Variants in TACC2 observed in about 807,000 individuals in gnomAD.
The protein encoded by TACC2 is transforming acidic coiled-coil-containing protein 2.
Under a neutral mutation model 227.3 loss-of-function variants are expected in TACC2, and 137 were observed. The ratio of observed to expected loss-of-function variants is 0.60; its 90% CI spans 0.52 to 0.69. The LOEUF (loss-of-function observed/expected upper bound fraction) is 0.69. Among genes scored for constraint, TACC2 ranks in the 30% least tolerant of loss-of-function variants. TACC2 has a pLI of 0.00. For missense variants in TACC2, 3,470 were observed against 3,694.4 expected (o/e 0.94, Z 1.57); for synonymous variants, 1,523 against 1,487.5 (o/e 1.02, Z -0.55).
At chr10:122,116,187 G>A (rs2084667788) in intron 5 of TACC2, among the ~76,000 whole-genome samples, 1 of 152,198 alleles carries the variant, frequency 6.6e-6, no homozygotes, top group Non-Finnish European at 1.5e-5. Flanking sequence ...CAATGCATCT[G>A]AAAAACAGAG....
In TACC2 at chr10:122,084,202, G is replaced by T. The variant is rs761403864; in HGVS notation, c.1702G>T (p.Gly568Ter). Reference sequence around the variant, plus strand: ...CACAAGCCCAGCCGTGGCTAAAGAAGGAAGCAGATCACCTGGTGACAGCCC... The same window carrying T: ...CACAAGCCCAGCCGTGGCTAAAGAATGAAGCAGATCACCTGGTGACAGCCC... Reference protein sequence around the residue: ...DSTSPAVAKEGSRSPGDSPGG... With the variant: ...DSTSPAVAKE The change falls in exon 4 of 23, where the codon GGA (glycine) becomes TGA (stop). Residue 568 changes from glycine to a stop codon, truncating the protein, a stop_gained. Transcript: ENST00000369005. LOFTEE classifies it high-confidence loss of function. The T allele has an allele frequency of 3.7e-6, 6 of 1,614,112 alleles. No homozygotes were observed. Among genetic ancestry groups the T allele is most frequent in the East Asian group, 2.2e-5 (1 of 44,874 alleles).
intron 7 of TACC2, chr10:122,163,909 C>T (rs1292994575): frequency 2.6e-6 from 4 of 1,564,474 alleles, no homozygotes; most frequent in South Asian, 1.2e-5. Context: ...AGCTTGCACG[C>T]CAGGGCACAG....
At chr10:122,149,568 A>G (rs1205408159) in intron 7 of TACC2, among the ~76,000 whole-genome samples, 2 of 143,190 alleles carry the variant, frequency 1.4e-5, no homozygotes, top group African/African-American at 5.2e-5. Flanking sequence ...CCAAGACTCC[A>G]GAGTTTTTCC....
intron 1 of TACC2, among the ~76,000 whole-genome samples, chr10:122,017,335 T>C (rs1956785546): frequency 1.3e-5 from 2 of 152,126 alleles, no homozygotes; most frequent in Admixed American, 1.3e-4. Context: ...CGAAGTCCCC[T>C]GTGCCGCCGC....
chr10:122,026,658 A>G (rs943081232), intron 2 of TACC2, among the ~76,000 whole-genome samples: 23 of 150,692 alleles, frequency 1.5e-4, no homozygotes, highest in African/African-American at 4.5e-4. Flanking sequence ...AATCCCTGGC[A>G]ACCATGAATC....
At chr10:122,152,095 C>T (rs1046793276) in intron 7 of TACC2, among the ~76,000 whole-genome samples, 1 of 152,172 alleles carries the variant, frequency 6.6e-6, no homozygotes. Context: ...AACATGGAGA[C>T]CTTGGAGTGT....
chr10:122,226,600 A>G, intron 13 of TACC2, 119 bp downstream of exon 13: 1 of 679,370 alleles, frequency 1.5e-6, no homozygotes, highest in Non-Finnish European at 2.4e-6. Flanking sequence ...CTGACATGCC[A>G]CATATTTTTT....
intron 3 of TACC2, among the ~76,000 whole-genome samples, chr10:122,058,755 C>T (rs9421441): frequency 0.57 from 86,386 of 151,810 alleles, 25,552 homozygotes; most frequent in Non-Finnish European, 0.65. Context: ...AATTTATGAA[C>T]CTCATGATTC....
At chr10:122,072,619 G>C (rs968136291) in intron 3 of TACC2, among the ~76,000 whole-genome samples, 8 of 152,176 alleles carry the variant, frequency 5.3e-5, no homozygotes, top group African/African-American at 1.9e-4. Flanking sequence ...CTTCAGCATG[G>C]ATCAGTTAGA....
At chr10:122,216,940 T>A (rs1467236875) in intron 11 of TACC2, 112 bp downstream of exon 11, 8 of 1,583,380 alleles carry the variant, frequency 5.1e-6, no homozygotes, top group Non-Finnish European at 6.9e-6. Flanking sequence ...GTGATCATCA[T>A]TGTGAGATCG....
At chr10:122,167,928 G>T (rs183856080) in intron 7 of TACC2, among the ~76,000 whole-genome samples, 14 of 151,532 alleles carry the variant, frequency 9.2e-5, no homozygotes, top group African/African-American at 2.4e-4. Context: ...ACTCTGTTGC[G>T]CAGGCTCATA....
rs1271400086 is a variant in TACC2 at position 122,150,954 on chromosome 10, C to G, written c.5834+7248C>G. 6.6e-6 allele frequency among the ~76,000 whole-genome samples: 1 copy of G among 152,228 alleles called. No individual in the cohort carries two copies. On this transcript the variant is annotated intron_variant, in intron 7 of 22. Transcript: ENST00000369005. This position sits in a 1 kb window ranked among gnomAD's most constrained non-coding sequence, Gnocchi z 4.0. ...TTGGAAAGACAGGCCTATTTACCAG[C>G]TGTGTGACATGGCATGAGTTACTTG... is the stretch of plus-strand genomic sequence containing the variant.
chr10:122,169,320 A>G (rs2093351850), intron 7 of TACC2, among the ~76,000 whole-genome samples: 1 of 152,204 alleles, frequency 6.6e-6, no homozygotes, highest in Non-Finnish European at 1.5e-5. Flanking sequence ...TTTTCATTAT[A>G]GAAATAATTA....
rs554442630 is a variant in TACC2, at chr10:122,115,260, G to T, written c.5574-17349G>T. The stretch of plus-strand genomic sequence containing the variant: ...TGACACAGCCCCCACCTTCAAGGAG[G>T]TAGGTAGGTGAGTGTGTGTGTGTGT... On this transcript the variant is annotated intron_variant, in intron 5 of 22. Coordinates refer to ENST00000369005, the MANE Select transcript of TACC2 (RefSeq NM_206862.4). 2.7e-5 allele frequency among the ~76,000 whole-genome samples: 4 copies of T among 145,626 alleles called. No individual in the cohort carries two copies. In the East Asian group the frequency reaches 6.3e-4, roughly 23 times the overall value.
At chr10:122,134,064 G>T (rs1403841179) in intron 6 of TACC2, among the ~76,000 whole-genome samples, 1 of 152,176 alleles carries the variant, frequency 6.6e-6, no homozygotes, top group Non-Finnish European at 1.5e-5. Context: ...CAGAGGACGG[G>T]ATAGATAGGG....
chr10:122,066,365 T>A (rs2077392160), intron 3 of TACC2, among the ~76,000 whole-genome samples: 1 of 151,822 alleles, frequency 6.6e-6, no homozygotes, highest in African/African-American at 2.4e-5. Flanking sequence ...ACCTCCCAGG[T>A]GCAAGTGATT....
At chr10:122,236,646 C>A (rs1192658751) in intron 16 of TACC2, among the ~76,000 whole-genome samples, 1 of 152,228 alleles carries the variant, frequency 6.6e-6, no homozygotes, top group Non-Finnish European at 1.5e-5. Context: ...GCTGTAAAGC[C>A]TCAACCAACA....
At chr10:122,143,248 T>C (rs923122723) in intron 6 of TACC2, among the ~76,000 whole-genome samples, 1 of 152,226 alleles carries the variant, frequency 6.6e-6, no homozygotes, top group Admixed American at 6.5e-5. Context: ...AAAAAAATCC[T>C]CTCCTCTAAA....
intron 2 of TACC2, among the ~76,000 whole-genome samples, chr10:122,044,996 T>C (rs2074805225): frequency 6.6e-6 from 1 of 152,090 alleles, no homozygotes; most frequent in South Asian, 2.1e-4. Flanking sequence ...CACAGGTCCT[T>C]TGGAATCCAG....
Sources: gnomAD v4.1 joint callset for allele counts (sites outside exome capture counted in the v4.1 genomes callset) on GRCh38, gnomAD v4.1.1 for gene constraint, Gnocchi (gnomAD v3.1) non-coding constraint, MANE v1.5 for transcripts, NCBI Gene and HGNC (gene_info 2026-07-23, HGNC 2026-07-21) for gene names.